Variants in CCDC91 observed in about 807,000 individuals in gnomAD.
CCDC91 encodes the protein coiled-coil domain-containing protein 91.
CCDC91 carries 48 observed loss-of-function variants against 63.2 expected under a neutral mutation model. The observed-to-expected ratio is 0.76, with a 90% CI of 0.60 to 0.97. The LOEUF (loss-of-function observed/expected upper bound fraction) is 0.97, where lower values mean the gene tolerates loss of function less well. Ranked by LOEUF, CCDC91 falls within the 50% of genes least tolerant of loss-of-function variation. CCDC91 has a pLI of 0.00. For missense variants in CCDC91, 500 were observed against 494.6 expected, an observed-to-expected ratio of 1.01 and a Z score of -0.10; for synonymous variants, 167 against 165.8, an observed-to-expected ratio of 1.01 and a Z score of -0.06.
At chr12:28,406,209 C>A (rs1946929623) in intron 8 of CCDC91, among the ~76,000 whole-genome samples, 1 of 151,736 alleles carries the variant, frequency 6.6e-6, no homozygotes, top group Non-Finnish European at 1.5e-5. Context: ...TTAAGCCCAG[C>A]ATCCATTAGC....
chr12:28,446,183 T>C (rs920356622), intron 8 of CCDC91, among the ~76,000 whole-genome samples: 6 of 152,126 alleles, frequency 3.9e-5, no homozygotes, highest in Admixed American at 3.9e-4. Flanking sequence ...CTTAAGAGAC[T>C]GGAGAATTTT....
chr12:28,259,249 A>G, intron 2 of CCDC91, 115 bp from the exon 3 acceptor site: 1 of 730,678 alleles, frequency 1.4e-6, no homozygotes, highest in South Asian at 1.7e-5. Flanking sequence ...TAGAGGGAAT[A>G]TGAAAATGTC....
chr12:28,430,772 G>T (rs1948585107), intron 8 of CCDC91, among the ~76,000 whole-genome samples: 1 of 152,072 alleles, frequency 6.6e-6, no homozygotes, highest in Non-Finnish European at 1.5e-5. Context: ...CCCAGTGAAG[G>T]AAAGTTCCTT....
At chr12:28,267,026 A>C (rs1396503044) in intron 3 of CCDC91, among the ~76,000 whole-genome samples, 1 of 151,922 alleles carries the variant, frequency 6.6e-6, no homozygotes, top group Admixed American at 6.6e-5. Flanking sequence ...GGCCTCAGAA[A>C]AGATACTTTT....
chr12:28,518,078 T>C (rs1324039033), intron 12 of CCDC91, among the ~76,000 whole-genome samples: 2 of 152,054 alleles, frequency 1.3e-5, no homozygotes, highest in African/African-American at 2.4e-5. Context: ...CAATTGTGAA[T>C]TGTGCTGCTA....
intron 8 of CCDC91, among the ~76,000 whole-genome samples, chr12:28,408,742 A>G (rs745432613): frequency 1.6e-4 from 24 of 152,160 alleles, no homozygotes; most frequent in Admixed American, 9.2e-4. Flanking sequence ...TCCTGGGTTC[A>G]TGCAATTCTC....
chr12:28,197,937 G>A (rs1278051664), intron 1 of CCDC91, among the ~76,000 whole-genome samples: 1 of 152,068 alleles, frequency 6.6e-6, no homozygotes, highest in African/African-American at 2.4e-5. Context: ...TTTGAAATGT[G>A]AAGAATTTTG....
chr12:28,247,525 A>C (rs1442303248), intron 1 of CCDC91, among the ~76,000 whole-genome samples: 4 of 152,096 alleles, frequency 2.6e-5, no homozygotes, highest in Non-Finnish European at 5.9e-5. Flanking sequence ...AATAATGAGA[A>C]GCCATTGAAT....
intron 1 of CCDC91, among the ~76,000 whole-genome samples, chr12:28,211,904 C>G (rs756265050): frequency 1.3e-5 from 2 of 152,122 alleles, no homozygotes; most frequent in Non-Finnish European, 2.9e-5. Flanking sequence ...GTGACCCAGT[C>G]AGATGTAAGA....
At chr12:28,270,196 G>A (rs1947659698) in intron 3 of CCDC91, among the ~76,000 whole-genome samples, 1 of 151,884 alleles carries the variant, frequency 6.6e-6, no homozygotes, top group African/African-American at 2.4e-5. Flanking sequence ...TTTAGTTAAT[G>A]GACCTTCCCA....
At chr12:28,509,963 A>T (rs777996716) in intron 12 of CCDC91, among the ~76,000 whole-genome samples, 2 of 151,902 alleles carry the variant, frequency 1.3e-5, no homozygotes, top group Non-Finnish European at 2.9e-5. Flanking sequence ...ATGCTCTAGT[A>T]ATGCATCAGT....
intron 1 of CCDC91, among the ~76,000 whole-genome samples, chr12:28,204,148 T>C (rs967105575): frequency 1.3e-5 from 2 of 152,196 alleles, no homozygotes; most frequent in African/African-American, 4.8e-5. Flanking sequence ...TTGAGAATAT[T>C]ATTTTCCAGT....
At chr12:28,543,517 A>T (rs746673710) in intron 12 of CCDC91, among the ~76,000 whole-genome samples, 2 of 152,064 alleles carry the variant, frequency 1.3e-5, no homozygotes, top group East Asian at 3.9e-4. Context: ...CCAATCAGAA[A>T]CAGAAACTAA....
At chr12:28,381,031 G>A (rs536081635) in intron 7 of CCDC91, among the ~76,000 whole-genome samples, 1 of 152,090 alleles carries the variant, frequency 6.6e-6, no homozygotes, top group South Asian at 2.1e-4. Context: ...CACTCATTAA[G>A]GATATATACA....
intron 12 of CCDC91, among the ~76,000 whole-genome samples, chr12:28,491,862 T>C (rs1384100167): frequency 5.4e-4 from 1 of 1,836 alleles, no homozygotes; most frequent in African/African-American, 1.7e-3. Context: ...TCAAAAATTT[T>C]GTGTGTGTGT....
chr12:28,191,142 A>AG (rs1941199205), intron 1 of CCDC91: 1 of 152,264 alleles, frequency 6.6e-6, no homozygotes, highest in Non-Finnish European at 1.5e-5. Flanking sequence ...GGGTCAAGGC[A>AG]GGAGCCAGTA....
Position 28,362,280 on chromosome 12 carries a change from T to TTATATATATATATATATATA in CCDC91, c.577-143_577-142insATATATATATATATATATAT, listed in dbSNP as rs71438746. 2.0e-3 allele frequency among the ~76,000 whole-genome samples: 270 copies of TTATATATATATATATATATA among 131,758 alleles called. 11 individuals carry two copies. Among genetic ancestry groups the TTATATATATATATATATATA allele is most frequent in the Middle Eastern group, 3.8e-3 (1 of 260 alleles). The allele number at this position is 131,758 out of a possible 152,430, so 86.4% of individuals were successfully genotyped here. A position where few individuals can be genotyped will look rare whatever the true frequency, so the allele number is the denominator to read the frequency against. On this transcript the variant is annotated intron_variant, in intron 6 of 12. Transcript: ENST00000536442. ...TTCTCCAATGCTTTTAAGCAAAGCT[T>TTATATATATATATATATATA]TATATATATATATATGTTTTCTCTT... is the stretch of plus-strand genomic sequence containing the variant.
intron 3 of CCDC91, among the ~76,000 whole-genome samples, chr12:28,265,008 A>G (rs867464179): frequency 6.6e-6 from 1 of 152,044 alleles, no homozygotes; most frequent in Non-Finnish European, 1.5e-5. Flanking sequence ...CACTTTCATC[A>G]GTAACTTTAA....
intron 12 of CCDC91, among the ~76,000 whole-genome samples, chr12:28,536,796 CA>C (rs1231754134): frequency 2.6e-5 from 4 of 152,120 alleles, no homozygotes; most frequent in Admixed American, 6.6e-5. Context: ...TGGTTCTACT[CA>C]TTCTTTTTTA....
Sources: allele counts gnomAD v4.1 joint callset (sites outside exome capture counted in the v4.1 genomes callset), GRCh38; gene constraint gnomAD v4.1.1; transcripts MANE v1.5; gene names NCBI Gene and HGNC (gene_info 2026-07-23, HGNC 2026-07-21).